CHID1: variants seen among roughly 807,000 people sequenced by gnomAD.
CHID1 encodes chitinase domain containing 1, also known as chitinase domain-containing protein 1.
A neutral mutation model predicts 55.4 loss-of-function variants in CHID1; 44 were observed. The observed-to-expected ratio is 0.79, with a 90% confidence interval of 0.62 to 1.02. The LOEUF is 1.02. Ranked by LOEUF, CHID1 falls within the 50% of genes least tolerant of loss-of-function variation. The probability of loss-of-function intolerance (pLI) is 0.00; values close to 1 mark genes in which losing one functional copy is unlikely to be tolerated. For missense variants in CHID1, 491 were observed against 515.3 expected (o/e 0.95, Z 0.46); for synonymous variants, 216 against 212.9 (o/e 1.01, Z -0.13).
chr11:870,402 C>T lies in CHID1; in HGVS notation c.1040+17G>A, dbSNP rs762902390. 12 of 1,597,100 alleles carry T rather than the reference C, an allele frequency of 7.5e-6. No homozygotes were observed. The Admixed American group carries it at 1.9e-4, about 25-fold the overall frequency. ...GCACACAAGGCCAAGGTGGGCCACG[C>T]ACTTCAAAACACTCACTTCTTGTAC... On this transcript the variant is annotated intron_variant, in intron 11 of 12. Coordinates refer to ENST00000323578, the MANE Select transcript of CHID1 (RefSeq NM_023947.4).
At chr11:909,589 C>G (rs887709796) in intron 1 of CHID1, among the ~76,000 whole-genome samples, 1 of 152,198 alleles carries the variant, frequency 6.6e-6, no homozygotes, top group African/African-American at 2.4e-5. Context: ...GCCCAGCACA[C>G]GTGTATGTCA....
intron 8 of CHID1, among the ~76,000 whole-genome samples, chr11:889,218 C>T (rs1471385957): frequency 6.6e-6 from 1 of 152,204 alleles, no homozygotes; most frequent in East Asian, 1.9e-4. Context: ...AGTCTCCTGC[C>T]ATGTACCCAC....
At chr11:895,330 G>C (rs770518217) in intron 7 of CHID1, among the ~76,000 whole-genome samples, 34 of 152,166 alleles carry the variant, frequency 2.2e-4, no homozygotes, top group Non-Finnish European at 4.4e-4. Flanking sequence ...GAGGGGCCCA[G>C]GGAGCCTGGG....
At chr11:881,306 A>G (rs1412715203) in intron 10 of CHID1, among the ~76,000 whole-genome samples, 1 of 152,140 alleles carries the variant, frequency 6.6e-6, no homozygotes, top group Non-Finnish European at 1.5e-5. Context: ...TTGAATTACA[A>G]CACGAGGTGA....
At chr11:892,433 TGG>T (rs1850911167) in intron 8 of CHID1, among the ~76,000 whole-genome samples, 2 of 152,168 alleles carry the variant, frequency 1.3e-5, no homozygotes, top group Non-Finnish European at 2.9e-5. Context: ...TGCACAATGC[TGG>T]GTACGTGTGC....
At chr11:892,314 GGA>G (rs942809979) in intron 8 of CHID1, among the ~76,000 whole-genome samples, 4 of 152,340 alleles carry the variant, frequency 2.6e-5, no homozygotes, top group Admixed American at 6.5e-5. Context: ...GGCACATAAG[GGA>G]GAGGGAGGGG....
chr11:910,499 C>G, intron 1 of CHID1: 1 of 748,308 alleles, frequency 1.3e-6, no homozygotes. Context: ...CTCCCACTCG[C>G]GGTCCCCCCG....
rs752964775 is a variant in CHID1, at chr11:902,188, G to A, written c.394+10C>T. The A allele has an allele frequency of 1.2e-6, 2 of 1,613,642 alleles. No homozygotes were observed. The highest frequency in any genetic ancestry group is 1.7e-5 in the Admixed American group (1 of 59,996). ...TGGGGCAAGCACAGTCAAGCAGGAAGGATGAGAACCTTGGTCCACGTCGTG... is the reference window on the plus strand; with the variant it reads ...TGGGGCAAGCACAGTCAAGCAGGAAAGATGAGAACCTTGGTCCACGTCGTG... On this transcript the variant is annotated intron_variant, in intron 4 of 12. Transcript: ENST00000323578.
intron 6 of CHID1, 113 bp from the exon 7 acceptor site, chr11:899,514 C>T (rs1463499562): frequency 1.3e-5 from 12 of 949,138 alleles, no homozygotes; most frequent in South Asian, 2.9e-5. Context: ...TGGTCACTCA[C>T]GAGGCAAGAC....
At chr11:910,951 G>A (rs1169302119), upstream of CHID1, 19 of 430,186 alleles carry the variant, frequency 4.4e-5, no homozygotes, top group African/African-American at 6.6e-5. Flanking sequence ...GGCCGGGGCC[G>A]GGGCCGGGGC....
chr11:871,405 C>G (rs937440745), intron 10 of CHID1, among the ~76,000 whole-genome samples: 54 of 152,142 alleles, frequency 3.5e-4, no homozygotes, highest in South Asian at 6.2e-4. Flanking sequence ...AGAACCACCC[C>G]CTCCTTCACA....
In CHID1 at chr11:898,024, C is replaced by G. The variant is rs562871085; in HGVS notation, c.608+1316G>C. Among the ~76,000 whole-genome samples the G allele has an allele frequency of 1.2e-4, 19 of 152,298 alleles. No homozygotes were observed. In the South Asian group the frequency reaches 3.9e-3, roughly 32 times the overall value. On this transcript the variant is annotated intron_variant, in intron 7 of 12. Coordinates refer to ENST00000323578, the MANE Select transcript of CHID1 (RefSeq NM_023947.4). ...GCTGCCTCCCAGCCAGTGAGTCCCT[C>G]AGAGCACAGTGGGAGGAGCGGCAGG...
At position 869,850 on chromosome 11, in the gene CHID1, A is replaced by G. The variant is rs747866649; in HGVS notation, c.*8T>C. On this transcript the variant is annotated 3_prime_UTR_variant, in exon 13 of 13. Transcript: ENST00000323578. ...GAACACGTCCACCGCGGAGGCCGCA[A>G]TGCCCACCTAGAGCAGGTCGTAGAA... 105 of 1,612,032 alleles carry G rather than the reference A, an allele frequency of 6.5e-5. No individual in the cohort carries two copies. The highest frequency in any genetic ancestry group is 8.8e-5 in the Non-Finnish European group (104 of 1,179,138).
At chr11:904,891 C>A in intron 1 of CHID1, 32 bp from the exon 2 acceptor site, 1 of 1,606,922 alleles carries the variant, frequency 6.2e-7, no homozygotes, top group South Asian at 1.1e-5. Context: ...TTCAAACAAC[C>A]GGCAGAGAAA....
At chr11:901,086 G>C in intron 4 of CHID1, 106 bp from the exon 5 acceptor site, 1 of 957,670 alleles carries the variant, frequency 1.0e-6, no homozygotes, top group African/African-American at 1.7e-5. Context: ...GCAATGGGAA[G>C]GGCAGGGGCG....
At chr11:880,145 C>T (rs1849800590) in intron 10 of CHID1, among the ~76,000 whole-genome samples, 1 of 152,244 alleles carries the variant, frequency 6.6e-6, no homozygotes, top group Non-Finnish European at 1.5e-5. Context: ...ACAGGGGACC[C>T]AAACGAGCCA....
chr11:876,147 C>T (rs1406322815), intron 10 of CHID1, among the ~76,000 whole-genome samples: 1 of 152,240 alleles, frequency 6.6e-6, no homozygotes, highest in East Asian at 1.9e-4. Flanking sequence ...CAGCAGGAGC[C>T]GGCACAGGTG....
upstream of CHID1, among the ~76,000 whole-genome samples, chr11:913,471 G>A (rs1852800260): frequency 6.6e-6 from 1 of 152,148 alleles, no homozygotes; most frequent in Non-Finnish European, 1.5e-5. Flanking sequence ...TTATGCAGAA[G>A]CCCCTTTAAA....
At chr11:879,659 T>C (rs1435607941) in intron 10 of CHID1, among the ~76,000 whole-genome samples, 1 of 152,248 alleles carries the variant, frequency 6.6e-6, no homozygotes, top group African/African-American at 2.4e-5. Context: ...CTGCCCCATC[T>C]ATGGTACTTT....
Sources: gnomAD v4.1 joint callset for allele counts (sites outside exome capture counted in the v4.1 genomes callset) on GRCh38, gnomAD v4.1.1 for gene constraint, MANE v1.5 for transcripts, NCBI Gene and HGNC (gene_info 2026-07-23, HGNC 2026-07-21) for gene names.